The following TMEFF1 variants were observed in gnomAD, a reference collection of about 807,000 sequenced individuals.
TMEFF1 encodes the protein tomoregulin-1.
Under a neutral mutation model 47.5 loss-of-function variants are expected in TMEFF1, and 20 were observed. The ratio of observed to expected loss-of-function variants is 0.42; its 90% CI spans 0.30 to 0.61. TMEFF1 has a LOEUF of 0.61. TMEFF1 is among the 20% of genes least tolerant of loss of function. The pLI is 0.19. For missense variants in TMEFF1, 411 were observed against 471.1 expected (o/e 0.87, Z 1.18); for synonymous variants, 162 against 166.3 (o/e 0.97, Z 0.20).
intron 5 of TMEFF1, among the ~76,000 whole-genome samples, chr9:100,533,457 C>T (rs1376326234): frequency 6.6e-6 from 1 of 151,906 alleles, no homozygotes; most frequent in Non-Finnish European, 1.5e-5. Flanking sequence ...AAATCATAAT[C>T]CCTGTTGAAG....
At chr9:100,506,166 A>G (rs1837856596) in intron 2 of TMEFF1, among the ~76,000 whole-genome samples, 1 of 152,230 alleles carries the variant, frequency 6.6e-6, no homozygotes, top group African/African-American at 2.4e-5. Context: ...AGCATGCCAT[A>G]TGTATGCTTC....
chr9:100,489,277 G>A (rs140034570), intron 1 of TMEFF1, among the ~76,000 whole-genome samples: 34 of 152,028 alleles, frequency 2.2e-4, no homozygotes, highest in African/African-American at 6.3e-4. Flanking sequence ...GTGCAATCAT[G>A]GCTCACTGCA....
intron 3 of TMEFF1, among the ~76,000 whole-genome samples, chr9:100,512,946 C>T (rs1417240609): frequency 2.0e-5 from 3 of 151,886 alleles, no homozygotes; most frequent in Admixed American, 6.6e-5. Flanking sequence ...TTATTTCTCT[C>T]AAGCTTTAAC....
At chr9:100,532,325 T>C (rs2118454917) in intron 5 of TMEFF1, among the ~76,000 whole-genome samples, 1 of 151,678 alleles carries the variant, frequency 6.6e-6, no homozygotes, top group Admixed American at 6.6e-5. Context: ...TGGGAGAAAA[T>C]TTTTGCAACC....
At chr9:100,531,013 A>G (rs539960267) in intron 5 of TMEFF1, among the ~76,000 whole-genome samples, 340 of 151,608 alleles carry the variant, frequency 2.2e-3, no homozygotes, top group African/African-American at 7.8e-3. Flanking sequence ...AGATGCAGAA[A>G]AAGCCTTTGA....
intron 5 of TMEFF1, chr9:100,518,401 G>C: frequency 6.1e-6 from 6 of 982,816 alleles, no homozygotes; most frequent in Non-Finnish European, 7.3e-6. Context: ...CTGAGAGCTT[G>C]CCACCACTAT....
intron 7 of TMEFF1, among the ~76,000 whole-genome samples, chr9:100,559,521 T>C (rs1354041309): frequency 3.3e-5 from 5 of 152,190 alleles, no homozygotes; most frequent in Non-Finnish European, 7.4e-5. Flanking sequence ...TGGAGACTTA[T>C]TTTAAAAAGT....
intron 7 of TMEFF1, among the ~76,000 whole-genome samples, chr9:100,553,296 C>G (rs991801105): frequency 4.6e-5 from 7 of 152,088 alleles, no homozygotes; most frequent in Non-Finnish European, 7.4e-5. Context: ...ATTTTTACCT[C>G]ATTTACTTTT....
chr9:100,525,990 T>C (rs1838247315), intron 5 of TMEFF1, among the ~76,000 whole-genome samples: 1 of 152,258 alleles, frequency 6.6e-6, no homozygotes, highest in African/African-American at 2.4e-5. Context: ...TTATTACTTC[T>C]TTTAGCAGCT....
rs755286041 is a variant in TMEFF1 at position 100,473,774 on chromosome 9, C to T, written c.196+34C>T. The T allele has an allele frequency of 2.0e-5, 29 of 1,442,394 alleles. No homozygotes were observed. Among genetic ancestry groups the T allele is most frequent in the South Asian group, 1.8e-4 (13 of 72,474 alleles). The allele number at this position is 1,442,394 out of a possible 1,614,324, so 89.3% of individuals were successfully genotyped here. On this transcript the variant is annotated intron_variant, in intron 1 of 9. Coordinates refer to ENST00000374879, the MANE Select transcript of TMEFF1 (RefSeq NM_003692.5). This position sits in a 1 kb window ranked among gnomAD's most constrained non-coding sequence, Gnocchi z 5.4. ...GGTCGGAGCCGGCCCTAGGTCTTCC[C>T]ACCCCTCCGTTGCCGCCTCCCTCGT...
At chr9:100,494,247 C>T (rs1420760379) in intron 1 of TMEFF1, among the ~76,000 whole-genome samples, 1 of 150,346 alleles carries the variant, frequency 6.7e-6, no homozygotes, top group Non-Finnish European at 1.5e-5. Context: ...TGTCAGAGCA[C>T]CAGCAAGTCA....
chr9:100,527,363 G>A (rs1838281806), intron 5 of TMEFF1, among the ~76,000 whole-genome samples: 1 of 152,200 alleles, frequency 6.6e-6, no homozygotes, highest in African/African-American at 2.4e-5. Context: ...CAGACAGTGG[G>A]CACAGGTCAG....
chr9:100,527,922 G>A (rs181496063), intron 5 of TMEFF1, among the ~76,000 whole-genome samples: 1,641 of 152,258 alleles, frequency 0.011, 19 homozygotes, highest in Non-Finnish European at 0.017. Flanking sequence ...TCCTCAAGTG[G>A]CTCCCTGACA....
chr9:100,538,992 C>A (rs1031355125), intron 5 of TMEFF1, among the ~76,000 whole-genome samples: 1 of 152,150 alleles, frequency 6.6e-6, no homozygotes, highest in Admixed American at 6.5e-5. Flanking sequence ...GCAACCTCCA[C>A]CTCCCAGGTT....
intron 5 of TMEFF1, among the ~76,000 whole-genome samples, chr9:100,543,191 G>C (rs1407057502): frequency 2.0e-5 from 3 of 152,136 alleles, no homozygotes; most frequent in Non-Finnish European, 4.4e-5. Flanking sequence ...GCCTCCCAAA[G>C]TGCTGGGATT....
In TMEFF1 at chr9:100,484,303, TCC is replaced by T. The variant is rs1837404857; in HGVS notation, c.196+10564_196+10565del. 4.0e-5 allele frequency among the ~76,000 whole-genome samples: 6 copies of T among 151,872 alleles called. No individual in the cohort carries two copies. In the East Asian group the frequency reaches 1.2e-3, roughly 29 times the overall value. On this transcript the variant is annotated intron_variant, in intron 1 of 9. Transcript: ENST00000374879. The stretch of plus-strand genomic sequence containing the variant: ...AAGGTTGTGGAACATTTTCATCTCC[TCC>T]AAAAGGAACTTTACATTTTTTTTTT...
chr9:100,476,238 C>T (rs1473106797), intron 1 of TMEFF1, among the ~76,000 whole-genome samples: 2 of 152,010 alleles, frequency 1.3e-5, no homozygotes, highest in African/African-American at 4.8e-5. Flanking sequence ...GATTTGGGAA[C>T]GATTCATATG....
chr9:100,563,400 G>A (rs1388071014), intron 8 of TMEFF1, among the ~76,000 whole-genome samples: 3 of 152,220 alleles, frequency 2.0e-5, no homozygotes, highest in Non-Finnish European at 2.9e-5. Context: ...AGAGGATCAT[G>A]TTCTGGTAAT....
intron 5 of TMEFF1, among the ~76,000 whole-genome samples, chr9:100,542,680 G>A (rs1838655761): frequency 6.6e-6 from 1 of 152,084 alleles, no homozygotes; most frequent in Non-Finnish European, 1.5e-5. Flanking sequence ...CTTTCTGGCT[G>A]CTTTTAAAAT....
Sources: allele counts gnomAD v4.1 joint callset (sites outside exome capture counted in the v4.1 genomes callset), GRCh38; gene constraint gnomAD v4.1.1; non-coding constraint Gnocchi (gnomAD v3.1); transcripts MANE v1.5; gene names NCBI Gene and HGNC (gene_info 2026-07-23, HGNC 2026-07-21).